Variants in PAPSS2 observed in about 807,000 individuals in gnomAD.
PAPSS2 encodes the protein 3'-phosphoadenosine 5'-phosphosulfate synthase 2.
PAPSS2 carries 61 observed loss-of-function variants against 66.5 expected under a neutral mutation model. That is an observed-to-expected ratio of 0.92 (90% CI 0.75 to 1.14). The LOEUF (loss-of-function observed/expected upper bound fraction) is 1.14. Among genes scored for constraint, PAPSS2 ranks in the 50% most tolerant of loss-of-function variants. The probability of loss-of-function intolerance (pLI) is 0.00; values close to 1 mark genes in which losing one functional copy is unlikely to be tolerated. For synonymous variants in PAPSS2, 289 were observed against 287.5 expected, an observed-to-expected ratio of 1.01 and a Z score of -0.05; for missense variants, 708 against 789.6, an observed-to-expected ratio of 0.90 and a Z score of 1.24.
At chr10:87,691,819 G>C (rs7091981) in intron 1 of PAPSS2, among the ~76,000 whole-genome samples, 4,410 of 152,216 alleles carry the variant, frequency 0.029, 222 homozygotes, top group African/African-American at 0.1. Flanking sequence ...GCCAGGTATG[G>C]TCGGTGCACA....
intron 9 of PAPSS2, among the ~76,000 whole-genome samples, chr10:87,733,130 G>T (rs2131724127): frequency 6.6e-6 from 1 of 152,304 alleles, no homozygotes; most frequent in South Asian, 2.1e-4. Flanking sequence ...AATTACTTCT[G>T]CGGGAATCCT....
chr10:87,712,837 T>C (rs1338919896), intron 2 of PAPSS2, among the ~76,000 whole-genome samples: 2 of 152,034 alleles, frequency 1.3e-5, no homozygotes, highest in East Asian at 3.9e-4. Context: ...AGCCCCCAAA[T>C]CTCCCTATTT....
chr10:87,696,981 G>A (rs7082207), intron 1 of PAPSS2, among the ~76,000 whole-genome samples: 36,002 of 152,046 alleles, frequency 0.24, 5,002 homozygotes, highest in African/African-American at 0.36. Flanking sequence ...ATACATTGTC[G>A]TTAACTGAAG....
chr10:87,730,287 A>G (rs1474553611), intron 9 of PAPSS2, among the ~76,000 whole-genome samples: 1 of 152,214 alleles, frequency 6.6e-6, no homozygotes, highest in Non-Finnish European at 1.5e-5. Flanking sequence ...GATGGGGTAG[A>G]GAAGCTTATA....
Position 87,659,927 on chromosome 10 carries a change from C to A in PAPSS2, c.-55C>A, listed in dbSNP as rs1342534102. On this transcript the variant is annotated 5_prime_UTR_variant, in exon 1 of 13. Transcript: ENST00000456849. ...TGCTGCCGCCGCCGCCGCCGCCGTCCCTGCGTCCTTCGGTCTCTGCTCCCG... is the reference window on the plus strand; with the variant it reads ...TGCTGCCGCCGCCGCCGCCGCCGTCACTGCGTCCTTCGGTCTCTGCTCCCG... 7 of 1,594,796 alleles carry A rather than the reference C, an allele frequency of 4.4e-6. No individual in the cohort carries two copies. Among genetic ancestry groups the A allele is most frequent in the African/African-American group, 2.7e-5 (2 of 74,342 alleles).
At chr10:87,683,458 G>T (rs1245191668) in intron 1 of PAPSS2, among the ~76,000 whole-genome samples, 2 of 152,162 alleles carry the variant, frequency 1.3e-5, no homozygotes, top group Non-Finnish European at 1.5e-5. Flanking sequence ...CCTTCTGTGT[G>T]TGCAAGGGAA....
chr10:87,686,061 G>A (rs749532247), intron 1 of PAPSS2, among the ~76,000 whole-genome samples: 1 of 151,866 alleles, frequency 6.6e-6, no homozygotes, highest in South Asian at 2.1e-4. Flanking sequence ...CCTAGCCCAA[G>A]AAGACTAATC....
chr10:87,702,346 T>A (rs1332175765), intron 1 of PAPSS2, among the ~76,000 whole-genome samples: 1 of 152,218 alleles, frequency 6.6e-6, no homozygotes, highest in Non-Finnish European at 1.5e-5. Context: ...CCAATATCTC[T>A]GAGCAGTAGT....
At chr10:87,740,284 T>C (rs1056958362) in intron 9 of PAPSS2, among the ~76,000 whole-genome samples, 4 of 133,274 alleles carry the variant, frequency 3.0e-5, no homozygotes, top group Non-Finnish European at 6.0e-5. Context: ...AGTAGTGATA[T>C]TAACACATGT....
chr10:87,718,375 G>T (rs1000839710), intron 7 of PAPSS2, among the ~76,000 whole-genome samples: 4 of 152,118 alleles, frequency 2.6e-5, no homozygotes, highest in Admixed American at 2.6e-4. Flanking sequence ...ACTACCGTGA[G>T]GTGGATGAAG....
chr10:87,661,557 A>C lies in PAPSS2; in HGVS notation c.27+1549A>C, dbSNP rs1406048039. 2.0e-5 allele frequency among the ~76,000 whole-genome samples: 3 copies of C among 152,022 alleles called. No individual in the cohort carries two copies. In the South Asian group the frequency reaches 6.2e-4, roughly 32 times the overall value. ...CTGCTTGCATCAAGAATTCCTTCTC[A>C]GTTGTGATGGGGGACTTTGTCAAGC... On this transcript the variant is annotated intron_variant, in intron 1 of 12. Transcript: ENST00000456849.
chr10:87,663,266 C>T (rs1852776121), intron 1 of PAPSS2, among the ~76,000 whole-genome samples: 1 of 151,982 alleles, frequency 6.6e-6, no homozygotes. Context: ...TGTGTACCAC[C>T]ACGCCCAGCT....
chr10:87,740,690 C>T (rs908424070), intron 9 of PAPSS2, among the ~76,000 whole-genome samples: 1 of 152,126 alleles, frequency 6.6e-6, no homozygotes, highest in Non-Finnish European at 1.5e-5. Context: ...CTATCCAAAT[C>T]CTCTTCTCTT....
At chr10:87,742,606 G>A (rs1853883760) in intron 10 of PAPSS2, among the ~76,000 whole-genome samples, 1 of 152,142 alleles carries the variant, frequency 6.6e-6, no homozygotes, top group South Asian at 2.1e-4. Flanking sequence ...AAGGCTCTCA[G>A]GAGTCCACCA....
At chr10:87,692,632 A>G (rs1206464709) in intron 1 of PAPSS2, among the ~76,000 whole-genome samples, 1 of 152,190 alleles carries the variant, frequency 6.6e-6, no homozygotes, top group African/African-American at 2.4e-5. Flanking sequence ...TTCTGCTTCT[A>G]ATGCCTTGGT....
chr10:87,744,379 C>T (rs1336216511), intron 11 of PAPSS2, among the ~76,000 whole-genome samples: 3 of 152,160 alleles, frequency 2.0e-5, no homozygotes, highest in Admixed American at 1.3e-4. Context: ...CACTGCACCA[C>T]CAGTGTAGTG....
intron 1 of PAPSS2, among the ~76,000 whole-genome samples, chr10:87,685,937 C>T (rs1425881693): frequency 6.6e-6 from 1 of 152,088 alleles, no homozygotes; most frequent in East Asian, 1.9e-4. Flanking sequence ...CTCTCCTGGA[C>T]CATCTTAGAG....
intron 1 of PAPSS2, among the ~76,000 whole-genome samples, chr10:87,693,903 A>G (rs1853201775): frequency 6.6e-6 from 1 of 152,226 alleles, no homozygotes; most frequent in Admixed American, 6.5e-5. Context: ...CACTTGAAGA[A>G]ATCTTTAACA....
chr10:87,711,909 G>T (rs1853466760), intron 2 of PAPSS2, among the ~76,000 whole-genome samples: 1 of 151,956 alleles, frequency 6.6e-6, no homozygotes. Flanking sequence ...ATATTCTTAG[G>T]TTCAGAGATC....
Sources: gnomAD v4.1 joint callset for allele counts (sites outside exome capture counted in the v4.1 genomes callset) on GRCh38, gnomAD v4.1.1 for gene constraint, MANE v1.5 for transcripts, NCBI Gene and HGNC (gene_info 2026-07-23, HGNC 2026-07-21) for gene names.